The following BANP variants were observed in gnomAD, a reference collection of about 807,000 sequenced individuals.
BANP encodes the protein protein BANP.
In BANP, 11 loss-of-function variants were observed where a neutral mutation model predicts 68.1. That is an observed-to-expected ratio of 0.16 (90% CI 0.10 to 0.27). BANP has a LOEUF of 0.27. Ranked by LOEUF, BANP falls within the 10% of genes least tolerant of loss-of-function variation. BANP has a pLI of 1.00. For synonymous variants in BANP, 329 were observed against 303.2 expected (o/e 1.09, Z -0.88); for missense variants, 504 against 722.7 (o/e 0.70, Z 3.47).
intron 1 of BANP, among the ~76,000 whole-genome samples, chr16:87,973,749 A>ATT (rs2061523861): frequency 8.0e-6 from 1 of 124,954 alleles, no homozygotes; most frequent in Non-Finnish European, 1.8e-5. Context: ...GCAAAACTCC[A>ATT]TCACAAAAAA....
chr16:87,967,041 G>A (rs2060145278), intron 1 of BANP, among the ~76,000 whole-genome samples: 1 of 152,188 alleles, frequency 6.6e-6, no homozygotes, highest in African/African-American at 2.4e-5. Flanking sequence ...CAGAGGCCAG[G>A]GCCCCTGAAG....
chr16:88,038,070 C>T (rs941360581), intron 11 of BANP, 59 bp downstream of exon 11: 1 of 1,532,298 alleles, frequency 6.5e-7, no homozygotes, highest in Non-Finnish European at 8.9e-7. Context: ...ATGGGGTTCT[C>T]AGGGGAGGGG....
chr16:88,076,648 T>C lies in BANP; in HGVS notation c.1580T>C (p.Ile527Thr). The change falls in exon 14 of 14, where the codon ATC becomes ACC. Residue 527 changes from isoleucine (I) to threonine (T), a missense_variant. Ile to Thr is a moderately conservative substitution (Grantham distance 89). Around this residue, in one of 3 missense-constraint regions of BANP, gnomAD observed 223 missense variants for 246.2 expected, o/e 0.91. Coordinates refer to ENST00000682872, the MANE Select transcript of BANP (RefSeq NM_001386991.1). Reference protein sequence around the residue: ...QPEMQLEHGAIQIQ With the variant: ...QPEMQLEHGATQIQ Reference sequence around the variant, plus strand: ...GAGATGCAGCTCGAGCACGGGGCCATCCAGATTCAGTGAGCGGTGCCCATG... The same window carrying C: ...GAGATGCAGCTCGAGCACGGGGCCACCCAGATTCAGTGAGCGGTGCCCATG... The C allele has an allele frequency of 6.2e-7, 1 of 1,609,462 alleles. No individual in the cohort carries two copies. Among genetic ancestry groups the C allele is most frequent in the Non-Finnish European group, 8.5e-7 (1 of 1,179,576 alleles).
chr16:88,068,568 C>T (rs1175703664), intron 12 of BANP, among the ~76,000 whole-genome samples: 4 of 152,134 alleles, frequency 2.6e-5, no homozygotes, highest in African/African-American at 9.7e-5. Context: ...GAGTGGGAAA[C>T]GCAGTTTGTG....
At chr16:87,974,151 A>G (rs1463539067) in intron 1 of BANP, among the ~76,000 whole-genome samples, 1 of 152,398 alleles carries the variant, frequency 6.6e-6, no homozygotes, top group Non-Finnish European at 1.5e-5. Flanking sequence ...AATATAAAGT[A>G]TAATCTGATA....
intron 11 of BANP, among the ~76,000 whole-genome samples, chr16:88,051,311 C>T (rs1049246403): frequency 9.2e-5 from 14 of 152,222 alleles, no homozygotes; most frequent in South Asian, 6.2e-4. Flanking sequence ...AGGTGTGGGG[C>T]GGCCTGCAGG....
chr16:88,008,919 TAATA>T (rs1380231588), intron 6 of BANP, among the ~76,000 whole-genome samples: 1 of 152,244 alleles, frequency 6.6e-6, no homozygotes, highest in Non-Finnish European at 1.5e-5. Context: ...ACATTTTTTG[TAATA>T]AATCTGTTTC....
chr16:88,052,304 C>CA (rs1317073438), intron 11 of BANP, among the ~76,000 whole-genome samples: 2 of 152,298 alleles, frequency 1.3e-5, no homozygotes, highest in East Asian at 3.9e-4. Context: ...GCTCTGCCTG[C>CA]ATTAACTCAG....
chr16:87,981,136 C>T lies in BANP; in HGVS notation c.162+9C>T. 6.2e-7 allele frequency: 1 copy of T among 1,607,780 alleles called. No homozygotes were observed. The highest frequency in any genetic ancestry group is 8.5e-7 in the Non-Finnish European group (1 of 1,174,390). On this transcript the variant is annotated intron_variant, in intron 3 of 13. Coordinates refer to ENST00000682872, the MANE Select transcript of BANP (RefSeq NM_001386991.1). ...AGGATCCATCTATAAAGGTAAAAAT[C>T]TGACTCTGTTCTGTGGTGTGTAGTG...
chr16:88,027,990 G>A (rs2077341028), intron 8 of BANP, among the ~76,000 whole-genome samples: 1 of 152,250 alleles, frequency 6.6e-6, no homozygotes, highest in Non-Finnish European at 1.5e-5. Flanking sequence ...GGTGACTCCG[G>A]GTGAAGAAGT....
chr16:88,022,790 C>T (rs866505657), intron 7 of BANP, among the ~76,000 whole-genome samples: 3 of 152,278 alleles, frequency 2.0e-5, no homozygotes, highest in East Asian at 1.9e-4. Flanking sequence ...AGTCTCTGGC[C>T]GCATCCCCCT....
In BANP at chr16:88,064,208, G is replaced by A. The variant is rs568724549; in HGVS notation, c.1312-1059G>A. 1.3e-5 allele frequency among the ~76,000 whole-genome samples: 2 copies of A among 151,912 alleles called. No homozygotes were observed. The highest frequency in any genetic ancestry group is 2.4e-5 in the African/African-American group (1 of 41,358). ...GGGGCTTGAGAGGCGCAGGGGAGCA[G>A]GGGGGGAGAGTGGACAGCGAGGCGG... On this transcript the variant is annotated intron_variant, in intron 11 of 13. Coordinates refer to ENST00000682872, the MANE Select transcript of BANP (RefSeq NM_001386991.1). The surrounding 1 kb of genome is among the most constrained non-coding windows in gnomAD (Gnocchi z 4.5).
At position 88,071,825 on chromosome 16, in the gene BANP, T is replaced by C. The variant is rs1057365495; in HGVS notation, c.1378-244T>C. ...TCCCTTTTTTCTGCTCTGTAGGTGC[T>C]TGAGGGCGGAGTTGCAGATCCAGCA... On this transcript the variant is annotated intron_variant, in intron 12 of 13. Transcript: ENST00000682872. The surrounding 1 kb of genome is among the most constrained non-coding windows in gnomAD (Gnocchi z 6.5). 8 of 696,254 alleles carry C rather than the reference T, an allele frequency of 1.1e-5. No individual in the cohort carries two copies. The highest frequency in any genetic ancestry group is 2.1e-5 in the Non-Finnish European group (8 of 381,994). 43.1% of individuals were successfully genotyped at this position (696,254 alleles called of 1,614,324 possible).
intron 4 of BANP, 146 bp downstream of exon 4, chr16:87,984,405 T>C: frequency 1.0e-6 from 1 of 988,104 alleles, no homozygotes; most frequent in Non-Finnish European, 1.5e-6. Context: ...TAACTAAAGC[T>C]GACTTTTAGT....
chr16:88,052,769 CCAT>C (rs1332013099), intron 11 of BANP, among the ~76,000 whole-genome samples: 1 of 151,788 alleles, frequency 6.6e-6, no homozygotes, highest in Non-Finnish European at 1.5e-5. Context: ...ATTACCATCT[CCAT>C]CATCATCACT....
At chr16:88,067,889 G>A (rs532340967) in intron 12 of BANP, among the ~76,000 whole-genome samples, 8 of 152,340 alleles carry the variant, frequency 5.3e-5, no homozygotes, top group African/African-American at 1.9e-4. Context: ...GCTGAGCCTT[G>A]CCTTCCCGCA....
Position 88,021,125 on chromosome 16 carries a change from G to A in BANP, c.895+2458G>A, listed in dbSNP as rs1277536724. On this transcript the variant is annotated intron_variant, in intron 7 of 13. Coordinates refer to ENST00000682872, the MANE Select transcript of BANP (RefSeq NM_001386991.1). Reference sequence around the variant, plus strand: ...GGAGAGGGGAGTGGGAGCCTGGCATGGGCCACCACCCTCTCCCCTGGGCCC... The same window carrying A: ...GGAGAGGGGAGTGGGAGCCTGGCATAGGCCACCACCCTCTCCCCTGGGCCC... Among the ~76,000 whole-genome samples the A allele has an allele frequency of 3.9e-5, 6 of 152,336 alleles. No individual in the cohort carries two copies. In the East Asian group the frequency reaches 9.6e-4, roughly 24 times the overall value.
chr16:87,955,359 G>C (rs1216520728), intron 1 of BANP, among the ~76,000 whole-genome samples: 2 of 152,164 alleles, frequency 1.3e-5, no homozygotes, highest in Non-Finnish European at 2.9e-5. Context: ...ACTGCAGCTT[G>C]GTCAGCTTTT....
intron 2 of BANP, among the ~76,000 whole-genome samples, chr16:87,979,224 T>G (rs1026115715): frequency 4.6e-5 from 7 of 152,168 alleles, no homozygotes; most frequent in African/African-American, 1.7e-4. Context: ...GTAACACGTC[T>G]GAGGGGAGTT....
Sources: gnomAD v4.1 joint callset for allele counts (sites outside exome capture counted in the v4.1 genomes callset) on GRCh38, gnomAD v4.1.1 for gene constraint, gnomAD v4.1.1 regional missense constraint, Gnocchi (gnomAD v3.1) non-coding constraint, MANE v1.5 for transcripts, NCBI Gene and HGNC (gene_info 2026-07-23, HGNC 2026-07-21) for gene names.